Variants in CNIH3 observed in about 807,000 individuals in gnomAD.
CNIH3 encodes protein cornichon homolog 3.
In CNIH3, 14 loss-of-function variants were observed where a neutral mutation model predicts 24.1. The ratio of observed to expected loss-of-function variants is 0.58; its 90% confidence interval spans 0.38 to 0.91. The LOEUF is 0.91. Ranked by LOEUF, CNIH3 falls within the 40% of genes least tolerant of loss-of-function variation. CNIH3 has a pLI of 0.00. For missense variants in CNIH3, 178 were observed against 196.8 expected (o/e 0.90, Z 0.57); for synonymous variants, 68 against 73.8 (o/e 0.92, Z 0.40).
At chr1:224,510,131 C>T (rs372250908) in intron 1 of CNIH3, among the ~76,000 whole-genome samples, 15 of 152,144 alleles carry the variant, frequency 9.9e-5, no homozygotes, top group African/African-American at 3.4e-4. Flanking sequence ...GAACTCTGGA[C>T]TCCTCCCTCT....
Position 224,616,527 on chromosome 1 carries a change from G to T in CNIH3, c.-648G>T, listed in dbSNP as rs938014048. Reference sequence around the variant, plus strand: ...CGGAGTCACGGTTGGGGACGGGCGCGCCTCGGAGCGCACGGCTGCGCTGGA... The same window carrying T: ...CGGAGTCACGGTTGGGGACGGGCGCTCCTCGGAGCGCACGGCTGCGCTGGA... On this transcript the variant is annotated 5_prime_UTR_variant, in exon 1 of 6. Coordinates refer to ENST00000272133, the MANE Select transcript of CNIH3 (RefSeq NM_152495.2). 10 of 986,834 alleles carry T rather than the reference G, an allele frequency of 1.0e-5. No individual in the cohort carries two copies. Among genetic ancestry groups the T allele is most frequent in the Middle Eastern group, 5.1e-4 (1 of 1,944 alleles). The allele number at this position is 986,834 out of a possible 1,614,324, so 61.1% of individuals were successfully genotyped here.
At chr1:224,446,212 G>GTTTTTTTTTTTTTTTTTTTTTTTTTTTT (rs35812016) in intron 1 of CNIH3, among the ~76,000 whole-genome samples, 2 of 108,876 alleles carry the variant, frequency 1.8e-5, no homozygotes, top group Non-Finnish European at 1.9e-5. Flanking sequence ...TTTCAACTTT[G>GTTTTTTTTTTTTTTTTTTTTTTTTTTTT]TTTTTTTTTT....
At chr1:224,721,870 C>T (rs926997292) in intron 3 of CNIH3, among the ~76,000 whole-genome samples, 1 of 152,142 alleles carries the variant, frequency 6.6e-6, no homozygotes, top group African/African-American at 2.4e-5. Flanking sequence ...GAGAGCTCAC[C>T]TCCGTCCCAG....
chr1:224,639,287 C>T (rs540685251), intron 1 of CNIH3, among the ~76,000 whole-genome samples: 1 of 152,314 alleles, frequency 6.6e-6, no homozygotes, highest in East Asian at 1.9e-4. Flanking sequence ...TGATTCAGAC[C>T]TGGATGGGGT....
At chr1:224,638,505 C>A (rs561526001) in intron 1 of CNIH3, among the ~76,000 whole-genome samples, 1 of 152,320 alleles carries the variant, frequency 6.6e-6, no homozygotes, top group South Asian at 2.1e-4. Context: ...CTAGAACTCT[C>A]CTCTGGCTTG....
At chr1:224,614,967 ATAAATAAATAAG>A (rs1435336146), upstream of CNIH3, among the ~76,000 whole-genome samples, 23 of 107,850 alleles carry the variant, frequency 2.1e-4, no homozygotes, top group African/African-American at 5.5e-4. Flanking sequence ...AAATAAATAA[ATAAATAAATAAG>A]TAAAAGATGT....
At chr1:224,612,566 T>C (rs1191042652), upstream of CNIH3, among the ~76,000 whole-genome samples, 1 of 152,214 alleles carries the variant, frequency 6.6e-6, no homozygotes, top group East Asian at 1.9e-4. The surrounding 1 kb of genome is among the most constrained non-coding windows in gnomAD (Gnocchi z 4.7). Context: ...AGACCACAGT[T>C]ATCTTGGTCA....
At chr1:224,645,363 A>G (rs966222792) in intron 1 of CNIH3, among the ~76,000 whole-genome samples, 1 of 152,226 alleles carries the variant, frequency 6.6e-6, no homozygotes, top group South Asian at 2.1e-4. Flanking sequence ...TTGAAGGGCA[A>G]TCCCCAGAGA....
intron 1 of CNIH3, among the ~76,000 whole-genome samples, chr1:224,474,297 G>C (rs529830077): frequency 6.6e-6 from 1 of 151,590 alleles, no homozygotes; most frequent in Non-Finnish European, 1.5e-5. Context: ...CCAGGAGGCA[G>C]AGGTTGCGGT....
intron 4 of CNIH3, among the ~76,000 whole-genome samples, chr1:224,734,358 T>G (rs1689488001): frequency 6.6e-6 from 1 of 152,126 alleles, no homozygotes; most frequent in Admixed American, 6.5e-5. Context: ...ATGATGCCAG[T>G]GGATTGGAGT....
At chr1:224,454,417 G>A in intron 1 of CNIH3, 1 of 662,900 alleles carries the variant, frequency 1.5e-6, no homozygotes, top group Non-Finnish European at 1.9e-6. Flanking sequence ...GAGAGCAGGA[G>A]AACCAGTTCT....
rs575086671 is a variant in CNIH3, at chr1:224,727,767, G to C, written c.199-2695G>C. 2.6e-5 allele frequency among the ~76,000 whole-genome samples: 4 copies of C among 152,266 alleles called. No individual in the cohort carries two copies. The South Asian group carries it at 8.3e-4, about 32-fold the overall frequency. The stretch of plus-strand genomic sequence containing the variant: ...TCAGTGTGTGTATCAAAAGGTCACT[G>C]TCACTCCTAAAAGTCTCTGGATTAA... On this transcript the variant is annotated intron_variant, in intron 3 of 5. Transcript: ENST00000272133.
At chr1:224,710,533 C>T (rs1688082508) in intron 3 of CNIH3, among the ~76,000 whole-genome samples, 1 of 152,222 alleles carries the variant, frequency 6.6e-6, no homozygotes, top group Non-Finnish European at 1.5e-5. Flanking sequence ...TAAGTGACCA[C>T]TAAAGGACTT....
At chr1:224,531,471 G>T (rs1360140265) in intron 2 of CNIH3, among the ~76,000 whole-genome samples, 1 of 152,220 alleles carries the variant, frequency 6.6e-6, no homozygotes, top group African/African-American at 2.4e-5. Context: ...AAAGCTGAGT[G>T]TGGAATTAGC....
At chr1:224,647,959 CG>C (rs1458632160) in intron 1 of CNIH3, among the ~76,000 whole-genome samples, 5 of 152,134 alleles carry the variant, frequency 3.3e-5, no homozygotes, top group African/African-American at 1.2e-4. Flanking sequence ...GTTACGGGAA[CG>C]GGCAGGAATT....
chr1:224,705,356 A>G (rs1687724047), intron 3 of CNIH3, among the ~76,000 whole-genome samples: 2 of 152,274 alleles, frequency 1.3e-5, no homozygotes, highest in Admixed American at 1.3e-4. Flanking sequence ...GCAAATGAAC[A>G]GGAAGCCGGG....
chr1:224,634,803 C>A (rs2125083670), intron 1 of CNIH3, among the ~76,000 whole-genome samples: 1 of 152,250 alleles, frequency 6.6e-6, no homozygotes, highest in East Asian at 1.9e-4. Context: ...CAGAGGTGTT[C>A]AATTTCACGT....
chr1:224,489,719 C>T (rs1216513772), intron 1 of CNIH3, among the ~76,000 whole-genome samples: 1 of 152,158 alleles, frequency 6.6e-6, no homozygotes, highest in Non-Finnish European at 1.5e-5. Context: ...TGTAACAAAA[C>T]ACCATAGACT....
chr1:224,446,727 G>A (rs1002922592), intron 1 of CNIH3, among the ~76,000 whole-genome samples: 4 of 152,150 alleles, frequency 2.6e-5, no homozygotes, highest in African/African-American at 9.7e-5. Context: ...TACAGCTGGT[G>A]TTTCATTATT....
Sources: allele counts gnomAD v4.1 joint callset (sites outside exome capture counted in the v4.1 genomes callset), GRCh38; gene constraint gnomAD v4.1.1; non-coding constraint Gnocchi (gnomAD v3.1); transcripts MANE v1.5; gene names NCBI Gene and HGNC (gene_info 2026-07-23, HGNC 2026-07-21).